Variants in LRP1B observed in about 807,000 individuals in gnomAD.
The protein encoded by LRP1B is LDL receptor related protein 1B.
In LRP1B, 217 loss-of-function variants were observed where a neutral mutation model predicts 556.6. That is an observed-to-expected ratio of 0.39 (90% CI 0.35 to 0.44). LRP1B has a LOEUF of 0.44. Ranked by LOEUF, LRP1B falls within the 20% of genes least tolerant of loss-of-function variation. LRP1B has a pLI of 1.00. For synonymous variants in LRP1B, 2,047 were observed against 1,865.8 expected (o/e 1.10, Z -2.50); for missense variants, 5,053 against 5,620.8 (o/e 0.90, Z 3.23).
intron 72 of LRP1B, among the ~76,000 whole-genome samples, chr2:140,361,499 C>T (rs2105144421): frequency 6.6e-6 from 1 of 150,578 alleles, no homozygotes; most frequent in South Asian, 2.1e-4. Context: ...AGAGCAGAGA[C>T]AGAAGAATAG....
chr2:141,574,680 A>G (rs1686670029), intron 2 of LRP1B, among the ~76,000 whole-genome samples: 1 of 152,148 alleles, frequency 6.6e-6, no homozygotes, highest in Admixed American at 6.5e-5. Context: ...CTGTTTCCAC[A>G]TGACATTATT....
chr2:141,331,543 T>TCTTTCTTTCTC (rs1481393901), intron 3 of LRP1B, among the ~76,000 whole-genome samples: 1 of 151,148 alleles, frequency 6.6e-6, no homozygotes, highest in African/African-American at 2.4e-5. Context: ...TTTCTTTCTT[T>TCTTTCTTTCTC]CTTTCTTTCT....
intron 1 of LRP1B, among the ~76,000 whole-genome samples, chr2:141,997,648 C>CATAT (rs138886100): frequency 0.3 from 42,127 of 138,588 alleles, 6,612 homozygotes; most frequent in Admixed American, 0.38. Flanking sequence ...GCACCCAGCC[C>CATAT]ATATATATAT....
chr2:140,333,487 A>C (rs1680917270), intron 79 of LRP1B, among the ~76,000 whole-genome samples: 1 of 152,114 alleles, frequency 6.6e-6, no homozygotes. Context: ...AAACAGATTT[A>C]TGTAAATAGA....
chr2:140,335,152 G>T (rs2105084881), intron 78 of LRP1B, among the ~76,000 whole-genome samples: 1 of 151,652 alleles, frequency 6.6e-6, no homozygotes, highest in South Asian at 2.1e-4. Context: ...AGAAGGAAAT[G>T]TCTGTAACAC....
chr2:141,027,265 G>T (rs1181630537), intron 11 of LRP1B, among the ~76,000 whole-genome samples: 1 of 152,050 alleles, frequency 6.6e-6, no homozygotes, highest in African/African-American at 2.4e-5. Context: ...TTGGCAAATT[G>T]CCTACCCTTT....
intron 31 of LRP1B, among the ~76,000 whole-genome samples, chr2:140,828,376 G>A (rs1324160367): frequency 2.0e-5 from 3 of 151,192 alleles, no homozygotes; most frequent in East Asian, 2.0e-4. Context: ...TTGGGAGGCC[G>A]AGGCAGGCGG....
At chr2:141,967,700 C>G (rs1701600828) in intron 1 of LRP1B, among the ~76,000 whole-genome samples, 1 of 151,778 alleles carries the variant, frequency 6.6e-6, no homozygotes, top group African/African-American at 2.4e-5. Context: ...GCAATATCAG[C>G]TGGATTTTAA....
At chr2:140,971,222 A>G (rs1696413507) in intron 18 of LRP1B, among the ~76,000 whole-genome samples, 2 of 152,074 alleles carry the variant, frequency 1.3e-5, no homozygotes, top group South Asian at 4.1e-4. Context: ...TTTCTAAGAG[A>G]AAGGAGAGGA....
chr2:142,064,961 G>C (rs1705053162), intron 1 of LRP1B, among the ~76,000 whole-genome samples: 1 of 147,290 alleles, frequency 6.8e-6, no homozygotes, highest in South Asian at 2.2e-4. Context: ...AGAGTTTTGG[G>C]CTTTGTCTTA....
intron 10 of LRP1B, among the ~76,000 whole-genome samples, chr2:141,050,415 T>A (rs933052096): frequency 6.6e-6 from 1 of 151,966 alleles, no homozygotes; most frequent in East Asian, 1.9e-4. Context: ...TGCACCATGG[T>A]GGTTTGCTGC....
intron 3 of LRP1B, among the ~76,000 whole-genome samples, chr2:141,300,012 T>C (rs1025052950): frequency 2.0e-5 from 3 of 152,182 alleles, no homozygotes; most frequent in African/African-American, 7.2e-5. Context: ...CTCCCATAAA[T>C]GGGATTAATT....
intron 1 of LRP1B, among the ~76,000 whole-genome samples, chr2:141,892,178 G>C (rs992104537): frequency 6.6e-6 from 1 of 150,552 alleles, no homozygotes; most frequent in Non-Finnish European, 1.5e-5. Flanking sequence ...AAGAATGAGG[G>C]ATCAAATACA....
At chr2:140,430,647 A>T (rs562544507) in intron 66 of LRP1B, among the ~76,000 whole-genome samples, 2 of 152,326 alleles carry the variant, frequency 1.3e-5, no homozygotes, top group East Asian at 3.9e-4. Flanking sequence ...CACACAAGGC[A>T]AATGGTTCTT....
chr2:140,234,158 AC>A (rs1680593536), intron 90 of LRP1B, among the ~76,000 whole-genome samples: 1 of 151,304 alleles, frequency 6.6e-6, no homozygotes, highest in South Asian at 2.1e-4. Context: ...ATTGAGACAA[AC>A]ATGATAGAAA....
At chr2:140,967,093 G>A (rs766889917) in intron 18 of LRP1B, among the ~76,000 whole-genome samples, 1 of 152,156 alleles carries the variant, frequency 6.6e-6, no homozygotes, top group Non-Finnish European at 1.5e-5. Flanking sequence ...CTCATTGGTA[G>A]CTTGATGGGG....
At chr2:140,663,754 A>C (rs1344130733) in intron 41 of LRP1B, among the ~76,000 whole-genome samples, 1 of 152,314 alleles carries the variant, frequency 6.6e-6, no homozygotes, top group South Asian at 2.1e-4. Flanking sequence ...GTCTTCAAGA[A>C]CCTTCTTTTG....
At chr2:140,846,801 C>T (rs1692287532) in intron 29 of LRP1B, among the ~76,000 whole-genome samples, 1 of 152,056 alleles carries the variant, frequency 6.6e-6, no homozygotes, top group Non-Finnish European at 1.5e-5. Flanking sequence ...CATGGAATTT[C>T]TAAAAGATGA....
chr2:141,024,617 G>A lies in LRP1B; in HGVS notation c.1790-4515C>T, dbSNP rs72975050. Among the ~76,000 whole-genome samples, 424 of 152,122 alleles carry A rather than the reference G, an allele frequency of 2.8e-3. 4 individuals carry two copies. Among genetic ancestry groups the A allele is most frequent in the African/African-American group, 8.8e-3 (364 of 41,548 alleles). On this transcript the variant is annotated intron_variant, in intron 11 of 90. Transcript: ENST00000389484. ...ATCTAAAATGATGAATAAAATGAAA[G>A]ATCAAGAATGGTTAAGGACTGAGAT...
Sources: gnomAD v4.1 joint callset for allele counts (sites outside exome capture counted in the v4.1 genomes callset) on GRCh38, gnomAD v4.1.1 for gene constraint, MANE v1.5 for transcripts, NCBI Gene and HGNC (gene_info 2026-07-23, HGNC 2026-07-21) for gene names.